SYT7: variants seen among roughly 807,000 people sequenced by gnomAD.
SYT7 encodes synaptotagmin-7.
In SYT7, 29 loss-of-function variants were observed where a neutral mutation model predicts 75.1. The observed-to-expected ratio is 0.39, with a 90% CI of 0.29 to 0.53. The LOEUF is 0.53. Among genes scored for constraint, SYT7 ranks in the 20% least tolerant of loss-of-function variants. The probability of loss-of-function intolerance (pLI) is 0.77; values close to 1 mark genes in which losing one functional copy is unlikely to be tolerated. For missense variants in SYT7, 693 were observed against 953.2 expected (o/e 0.73, Z 3.59); for synonymous variants, 376 against 401.7 (o/e 0.94, Z 0.76).
Position 61,517,523 on chromosome 11 carries a change from G to GGAGGGGTGGAGGAAA in SYT7, c.*1089_*1103dup. On this transcript the variant is annotated 3_prime_UTR_variant, in exon 13 of 13. Transcript: ENST00000539008. ...GGAAGGTCTACAAGCATTGGGGGATGGAGGGGTGGAGGAAAGAAGGGTGGA... is the reference window on the plus strand; with the variant it reads ...GGAAGGTCTACAAGCATTGGGGGATGGAGGGGTGGAGGAAAGAGGGGTGGAGGAAAGAAGGGTGGA... 5.0e-6 allele frequency: 2 copies of GGAGGGGTGGAGGAAA among 399,440 alleles called. No homozygotes were observed. The highest frequency in any genetic ancestry group is 8.8e-6 in the Non-Finnish European group (2 of 226,560). The allele number at this position is 399,440 out of a possible 1,614,324, so 24.7% of individuals were successfully genotyped here. A position where few individuals can be genotyped will look rare whatever the true frequency, so the allele number is the denominator to read the frequency against.
At chr11:61,543,053 A>G (rs1179677037) in intron 5 of SYT7, among the ~76,000 whole-genome samples, 2 of 152,176 alleles carry the variant, frequency 1.3e-5, no homozygotes, top group Admixed American at 6.5e-5. Flanking sequence ...CATCCTTTGG[A>G]GACAGGAAGA....
At chr11:61,531,337 T>A (rs1345229902) in intron 8 of SYT7, among the ~76,000 whole-genome samples, 2 of 152,158 alleles carry the variant, frequency 1.3e-5, no homozygotes, top group Non-Finnish European at 2.9e-5. Context: ...GGGAAGGGGC[T>A]GTCCCTTCTG....
In SYT7 at chr11:61,518,698, C is replaced by G; in HGVS notation, c.1990G>C (p.Val664Leu). The G allele has an allele frequency of 1.3e-6, 2 of 1,549,676 alleles. No homozygotes were observed. Among genetic ancestry groups the G allele is most frequent in the South Asian group, 1.2e-5 (1 of 83,820 alleles). Reference sequence around the variant, plus strand: ...GCAATCATGTCCTTCCAGTGCTTCACCTCCCCTGGCCCGCTCTTCCAGGAC... The same window carrying G: ...GCAATCATGTCCTTCCAGTGCTTCAGCTCCCCTGGCCCGCTCTTCCAGGAC... ...YLSWKSGPGE[V>L]KHWKDMIARP... Residue 664 changes from valine (V) to leucine (L), a missense_variant, in exon 13 of 13, where the codon GTG (valine) becomes CTG (leucine). By Grantham distance (32) the Val-to-Leu change is conservative. Coordinates refer to ENST00000539008, the MANE Select transcript of SYT7 (RefSeq NM_001365809.2).
the SYT7 span, among the ~76,000 whole-genome samples, chr11:61,588,110 G>T: frequency 1.3e-5 from 2 of 152,208 alleles, no homozygotes; most frequent in African/African-American, 4.8e-5. Flanking sequence ...GGCTCAGGAG[G>T]ATGACGGGAG....
rs2062106556 is a variant in SYT7, at chr11:61,514,304, GATCTCTGGAAC to G, written c.*4312_*4322del. On this transcript the variant is annotated 3_prime_UTR_variant, in exon 13 of 13. Coordinates refer to ENST00000539008, the MANE Select transcript of SYT7 (RefSeq NM_001365809.2). ...CTTACCTGACCCCGGGGCTTCCTCT[GATCTCTGGAAC>G]AGAGATCAGAAGTGATATCTAAACC... Among the ~76,000 whole-genome samples, 1 of 152,210 alleles carries G rather than the reference GATCTCTGGAAC, an allele frequency of 6.6e-6. No individual in the cohort carries two copies. Among genetic ancestry groups the G allele is most frequent in the Non-Finnish European group, 1.5e-5 (1 of 68,030 alleles).
chr11:61,575,278 G>A (rs2064039931), intron 1 of SYT7, among the ~76,000 whole-genome samples: 1 of 152,154 alleles, frequency 6.6e-6, no homozygotes, highest in Non-Finnish European at 1.5e-5. Flanking sequence ...GGACACCGAA[G>A]GAGCAGGGCC....
intron 8 of SYT7, 38 bp downstream of exon 8, chr11:61,532,951 C>T: frequency 6.2e-7 from 1 of 1,608,892 alleles, no homozygotes; most frequent in Non-Finnish European, 8.5e-7. Context: ...GCCTCCCAGC[C>T]CAGTTCCTTG....
intron 1 of SYT7, among the ~76,000 whole-genome samples, chr11:61,565,173 G>A (rs1246790147): frequency 6.6e-6 from 1 of 152,154 alleles, no homozygotes; most frequent in Non-Finnish European, 1.5e-5. Flanking sequence ...TCCCGATGAC[G>A]TTCAAGGTGG....
chr11:61,532,845 G>T, intron 8 of SYT7, 144 bp downstream of exon 8: 1 of 1,253,700 alleles, frequency 8.0e-7, no homozygotes, highest in Non-Finnish European at 1.1e-6. Context: ...ACCATGCTGG[G>T]CCTGGCTCTC....
intron 7 of SYT7, among the ~76,000 whole-genome samples, chr11:61,536,975 G>C (rs1237187666): frequency 6.6e-6 from 1 of 152,216 alleles, no homozygotes; most frequent in Non-Finnish European, 1.5e-5. Context: ...ATCCGAGCCT[G>C]AGGGGCCATT....
At chr11:61,547,482 C>G (rs1317991021) in intron 3 of SYT7, among the ~76,000 whole-genome samples, 174 bp from the exon 4 acceptor site, 2 of 152,124 alleles carry the variant, frequency 1.3e-5, no homozygotes, top group Non-Finnish European at 2.9e-5. Flanking sequence ...GCAGTCTGTG[C>G]CTGGCACACG....
chr11:61,528,095 G>T lies in SYT7; in HGVS notation c.1291C>A (p.Gln431Lys). 6.2e-7 allele frequency: 1 copy of T among 1,613,820 alleles called. No individual in the cohort carries two copies. ...ATCTTCACGGTGAGCGTGGACTCCT[G>T]GAAGTTGTAGCCGACACTGAACTGG... Reference protein sequence around the residue: ...RIQFSVGYNFQESTLTVKIMK... With the variant: ...RIQFSVGYNFKESTLTVKIMK... The change falls in exon 9 of 13, where the codon CAG becomes AAG. Residue 431 changes from glutamine to lysine, a missense_variant. By Grantham distance (53) the Gln-to-Lys change is moderately conservative. Coordinates refer to ENST00000539008, the MANE Select transcript of SYT7 (RefSeq NM_001365809.2).
In SYT7 at chr11:61,546,475, A is replaced by T; in HGVS notation, c.348-220T>A. On this transcript the variant is annotated intron_variant, in intron 4 of 12. Coordinates refer to ENST00000539008, the MANE Select transcript of SYT7 (RefSeq NM_001365809.2). This position sits in a 1 kb window ranked among gnomAD's most constrained non-coding sequence, Gnocchi z 7.6. ...ACATCAGCACTGCAAATGGGTTAACAGCGGAGCCTGCAGAGGAGAGAGGGG... is the reference window on the plus strand; with the variant it reads ...ACATCAGCACTGCAAATGGGTTAACTGCGGAGCCTGCAGAGGAGAGAGGGG... The T allele has an allele frequency of 4.2e-6, 2 of 480,826 alleles. No individual in the cohort carries two copies. The allele number at this position is 480,826 out of a possible 1,614,324, so 29.8% of individuals were successfully genotyped here.
chr11:61,523,851 C>T lies in SYT7; in HGVS notation c.1732G>A (p.Ala578Thr). 1 of 1,614,020 alleles carries T rather than the reference C, an allele frequency of 6.2e-7. No individual in the cohort carries two copies. The highest frequency in any genetic ancestry group is 8.5e-7 in the Non-Finnish European group (1 of 1,179,958). Residue 578 changes from alanine to threonine, a missense_variant, in exon 11 of 13, where the codon GCC becomes ACC. By Grantham distance (58) the Ala-to-Thr change is moderately conservative. This residue lies in a region of SYT7 where 206 missense variants were observed against 360.0 expected (regional missense o/e 0.57). Transcript: ENST00000539008. The surrounding 1 kb of genome is among the most constrained non-coding windows in gnomAD (Gnocchi z 5.0). Reference sequence around the variant, plus strand: ...CCTGATGTGCCCCCGATGTCCATGGCTTTGAGGTTCCGGGCTTTGATGATG... The same window carrying T: ...CCTGATGTGCCCCCGATGTCCATGGTTTTGAGGTTCCGGGCTTTGATGATG... Reference protein sequence around the residue: ...VNIIKARNLKAMDIGGTSDPY... With the variant: ...VNIIKARNLKTMDIGGTSDPY...
chr11:61,584,681 C>T (rs563527796), upstream of SYT7, among the ~76,000 whole-genome samples: 17 of 152,300 alleles, frequency 1.1e-4, no homozygotes, highest in African/African-American at 2.6e-4. Context: ...CCAGCCTGAG[C>T]GCCAGAATCC....
At chr11:61,579,041 G>A (rs1244677463) in intron 1 of SYT7, among the ~76,000 whole-genome samples, 1 of 152,204 alleles carries the variant, frequency 6.6e-6, no homozygotes, top group Non-Finnish European at 1.5e-5. Context: ...GGTGCTTGGA[G>A]GAGTGGTGAT....
At chr11:61,563,821 T>C (rs1383718920) in intron 1 of SYT7, among the ~76,000 whole-genome samples, 1 of 152,232 alleles carries the variant, frequency 6.6e-6, no homozygotes, top group African/African-American at 2.4e-5. Flanking sequence ...GGGTTAATAA[T>C]TAGCTCTTTC....
At chr11:61,531,387 TG>T (rs1352543498) in intron 8 of SYT7, among the ~76,000 whole-genome samples, 2 of 151,954 alleles carry the variant, frequency 1.3e-5, no homozygotes, top group Non-Finnish European at 2.9e-5. Flanking sequence ...ATTAAGGGGC[TG>T]TGCAGGGAGG....
At chr11:61,548,188 C>A in intron 3 of SYT7, among the ~76,000 whole-genome samples, 1 of 152,372 alleles carries the variant, frequency 6.6e-6, no homozygotes, top group Middle Eastern at 3.4e-3. Context: ...AACCAGGGGG[C>A]CCCTCGGTCC....
Sources: gnomAD v4.1 joint callset for allele counts (sites outside exome capture counted in the v4.1 genomes callset) on GRCh38, gnomAD v4.1.1 for gene constraint, gnomAD v4.1.1 regional missense constraint, Gnocchi (gnomAD v3.1) non-coding constraint, MANE v1.5 for transcripts, NCBI Gene and HGNC (gene_info 2026-07-23, HGNC 2026-07-21) for gene names.